The following DNAAF4 variants were observed in gnomAD, a reference collection of about 807,000 sequenced individuals.
The protein encoded by DNAAF4 is dynein assembly factor 4, axonemal.
In DNAAF4, 43 loss-of-function variants were observed where a neutral mutation model predicts 51.8. The observed-to-expected ratio is 0.83, with a 90% confidence interval of 0.65 to 1.07. The LOEUF is 1.07. Among genes scored for constraint, DNAAF4 ranks in the 50% least tolerant of loss-of-function variants. The pLI is 0.00. For missense variants in DNAAF4, 581 were observed against 493.0 expected (o/e 1.18, Z -1.69); for synonymous variants, 194 against 165.6 (o/e 1.17, Z -1.32).
rs1189267150 is a variant in DNAAF4, at chr15:55,419,794, T to TA, written c.1048-1662dup. On this transcript the variant is annotated intron_variant, in intron 7 of 7. Transcript: ENST00000448430. The stretch of plus-strand genomic sequence containing the variant: ...GGTGGATCACCTGAGGTCAGGAGTT[T>TA]AAGACCGACCGGCCTGGCCAAAATG... 2.0e-5 allele frequency among the ~76,000 whole-genome samples: 3 copies of TA among 152,010 alleles called. 1 individual carries two copies. The highest frequency in any genetic ancestry group is 4.4e-5 in the Non-Finnish European group (3 of 67,994).
rs71105887 is a variant in DNAAF4 at position 55,483,833 on chromosome 15, C to CTTTTTTTT, written c.405+7282_405+7289dup. Among the ~76,000 whole-genome samples, 54 of 82,478 alleles carry CTTTTTTTT rather than the reference C, an allele frequency of 6.5e-4. 6 individuals are homozygous for CTTTTTTTT. The highest frequency in any genetic ancestry group is 9.4e-4 in the Non-Finnish European group (43 of 45,650). 54.1% of individuals were successfully genotyped at this position (82,478 alleles called of 152,430 possible). On this transcript the variant is annotated intron_variant, in intron 4 of 9. Coordinates refer to ENST00000321149, the MANE Select transcript of DNAAF4 (RefSeq NM_130810.4). ...GAGCCATCACACCCAGCCAATAAAGCTTTTTTTTTTTTTTTTTTTTTTTTT... is the reference window on the plus strand; with the variant it reads ...GAGCCATCACACCCAGCCAATAAAGCTTTTTTTTTTTTTTTTTTTTTTTTTTTTTTTTT...
chr15:55,483,132 TG>T (rs1332628363), intron 4 of DNAAF4, among the ~76,000 whole-genome samples: 1 of 152,142 alleles, frequency 6.6e-6, no homozygotes, highest in Non-Finnish European at 1.5e-5. Context: ...AGTTTTGCTC[TG>T]TCGCTTAGGC....
chr15:55,454,825 A>C (rs1403629996), intron 5 of DNAAF4, among the ~76,000 whole-genome samples: 7 of 152,156 alleles, frequency 4.6e-5, no homozygotes, highest in African/African-American at 1.7e-4. Context: ...ATGAACCCAT[A>C]ATATACCAAG....
downstream of DNAAF4, among the ~76,000 whole-genome samples, chr15:55,429,642 C>A (rs1335270427): frequency 6.6e-6 from 1 of 151,762 alleles, no homozygotes; most frequent in Admixed American, 6.6e-5. Context: ...ATGGTGAAAC[C>A]CCATCTCTAC....
intron 4 of DNAAF4, among the ~76,000 whole-genome samples, chr15:55,472,889 G>A (rs958866809): frequency 6.6e-6 from 1 of 151,942 alleles, no homozygotes; most frequent in African/African-American, 2.4e-5. Context: ...AACTCAGCCC[G>A]GCATGGAGGC....
chr15:55,449,326 T>C (rs1313221839), intron 6 of DNAAF4, among the ~76,000 whole-genome samples: 2 of 151,600 alleles, frequency 1.3e-5, no homozygotes, highest in Non-Finnish European at 2.9e-5. Context: ...ATTTCTACAA[T>C]TTTTCAAATC....
At chr15:55,500,780 G>A (rs2058692776) in intron 1 of DNAAF4, among the ~76,000 whole-genome samples, 1 of 151,974 alleles carries the variant, frequency 6.6e-6, no homozygotes, top group African/African-American at 2.4e-5. Context: ...ATCACCTGAG[G>A]TTGGGAGTTC....
intron 8 of DNAAF4, among the ~76,000 whole-genome samples, chr15:55,433,767 TAA>T (rs1448446852): frequency 1.7e-5 from 2 of 116,360 alleles, no homozygotes; most frequent in Non-Finnish European, 3.3e-5. Flanking sequence ...TAAATATATA[TAA>T]TTGTTTTTAT....
chr15:55,430,589 C>T lies in DNAAF4; in HGVS notation c.*81G>A, dbSNP rs2057476866. 1.1e-5 allele frequency: 16 copies of T among 1,512,690 alleles called. No homozygotes were observed. The South Asian group carries it at 1.7e-4, about 16-fold the overall frequency. The allele number at this position is 1,512,690 out of a possible 1,614,324, so 93.7% of individuals were successfully genotyped here. A position where few individuals can be genotyped will look rare whatever the true frequency, so the allele number is the denominator to read the frequency against. On this transcript the variant is annotated 3_prime_UTR_variant, in exon 10 of 10. Coordinates refer to ENST00000321149, the MANE Select transcript of DNAAF4 (RefSeq NM_130810.4). ...GTACTAAACAGAAAGCGATTCTGTACAACTGGCCATAATATGTACAAAGAT... is the reference window on the plus strand; with the variant it reads ...GTACTAAACAGAAAGCGATTCTGTATAACTGGCCATAATATGTACAAAGAT...
At chr15:55,451,503 C>G (rs1347740678) in intron 5 of DNAAF4, among the ~76,000 whole-genome samples, 1 of 151,958 alleles carries the variant, frequency 6.6e-6, no homozygotes, top group African/African-American at 2.4e-5. Context: ...AATAAATGTT[C>G]CAGAACACAG....
At chr15:55,474,298 G>A (rs1279529019) in intron 4 of DNAAF4, among the ~76,000 whole-genome samples, 20 of 152,172 alleles carry the variant, frequency 1.3e-4, no homozygotes, top group Admixed American at 1.3e-3. Flanking sequence ...CACTTTGGGA[G>A]GCCGAGGTGG....
Position 55,486,174 on chromosome 15 carries a change from T to TTTGG in DNAAF4, c.405+4945_405+4948dup, listed in dbSNP as rs200440728. Among the ~76,000 whole-genome samples, 18 of 150,380 alleles carry TTTGG rather than the reference T, an allele frequency of 1.2e-4. 1 individual carries two copies. The highest frequency in any genetic ancestry group is 6.6e-4 in the Admixed American group (10 of 15,168). On this transcript the variant is annotated intron_variant, in intron 4 of 9. Coordinates refer to ENST00000321149, the MANE Select transcript of DNAAF4 (RefSeq NM_130810.4). ...TGACCCTGCCTCGTTTTTCTGTTTG[T>TTTGG]TTGGTTGGTTGGTTGGTTGGTTTTT... is the stretch of plus-strand genomic sequence containing the variant.
intron 7 of DNAAF4, among the ~76,000 whole-genome samples, chr15:55,439,092 A>G (rs973794969): frequency 5.9e-5 from 9 of 152,154 alleles, no homozygotes; most frequent in African/African-American, 2.2e-4. Context: ...ATATCTAGAG[A>G]ATGTGATAAC....
chr15:55,500,287 T>G (rs1243782158), intron 1 of DNAAF4, among the ~76,000 whole-genome samples: 1 of 152,190 alleles, frequency 6.6e-6, no homozygotes, highest in African/African-American at 2.4e-5. Context: ...TCTGGTAACT[T>G]TGAATACTGG....
chr15:55,457,577 G>C (rs1025138017), intron 5 of DNAAF4, among the ~76,000 whole-genome samples: 2 of 152,144 alleles, frequency 1.3e-5, no homozygotes, highest in Non-Finnish European at 2.9e-5. Context: ...TCTTGAAAGT[G>C]CCACCTCCTG....
Position 55,491,174 on chromosome 15 carries a change from T to G in DNAAF4, c.354A>C (p.Lys118Asn). 2 of 1,614,060 alleles carry G rather than the reference T, an allele frequency of 1.2e-6. No individual in the cohort carries two copies. Among genetic ancestry groups the G allele is most frequent in the Non-Finnish European group, 1.7e-6 (2 of 1,179,994 alleles). Residue 118 changes from lysine to asparagine, a missense_variant, in exon 4 of 10, where the codon AAA (lysine) becomes AAC (asparagine). Transcript: ENST00000321149. ...TTTGATCTTCCCGCTTTGCTGCAGCTTTTGCTTCTGTAGCTTCTTTTGCTC... is the reference window on the plus strand; with the variant it reads ...TTTGATCTTCCCGCTTTGCTGCAGCGTTTGCTTCTGTAGCTTCTTTTGCTC... ...QERAKEATEA[K>N]AAAKREDQKY...
chr15:55,423,168 G>GTT (rs71105878), intron 7 of DNAAF4, among the ~76,000 whole-genome samples: 115,472 of 146,086 alleles, frequency 0.79, 47,752 homozygotes, highest in East Asian at 0.96. Context: ...AGAGCCAAAA[G>GTT]TTTTTTTTTT....
chr15:55,456,822 T>C (rs1238994165), intron 5 of DNAAF4, among the ~76,000 whole-genome samples: 1 of 152,156 alleles, frequency 6.6e-6, no homozygotes, highest in Non-Finnish European at 1.5e-5. Context: ...GAGCAAAATA[T>C]GAAAGTAGAA....
downstream of DNAAF4, among the ~76,000 whole-genome samples, chr15:55,426,668 T>A (rs1399940393): frequency 6.6e-6 from 1 of 152,040 alleles, no homozygotes; most frequent in Non-Finnish European, 1.5e-5. Context: ...GATCCGCCCA[T>A]CTCAGCCTCC....
Sources: allele counts gnomAD v4.1 joint callset (sites outside exome capture counted in the v4.1 genomes callset), GRCh38; gene constraint gnomAD v4.1.1; transcripts MANE v1.5; gene names NCBI Gene and HGNC (gene_info 2026-07-23, HGNC 2026-07-21).